The following DST variants were observed in gnomAD, a reference collection of about 807,000 sequenced individuals.
The protein encoded by DST is dystonin.
DST carries 253 observed loss-of-function variants against 875.2 expected under a neutral mutation model. The ratio of observed to expected loss-of-function variants is 0.29; its 90% confidence interval spans 0.26 to 0.32. DST has a LOEUF of 0.32. Among genes scored for constraint, DST ranks in the 10% least tolerant of loss-of-function variants. DST has a pLI of 1.00. For synonymous variants in DST, 3,124 were observed against 3,197.1 expected (o/e 0.98, Z 0.77); for missense variants, 8,287 against 9,111.6 (o/e 0.91, Z 3.68).
chr6:56,807,856 A>G (rs2099755024), intron 4 of DST, among the ~76,000 whole-genome samples: 1 of 152,208 alleles, frequency 6.6e-6, no homozygotes, highest in African/African-American at 2.4e-5. Flanking sequence ...AGCATGAACC[A>G]CAAAAGAAAA....
chr6:56,726,221 G>A (rs1481299789), intron 5 of DST, among the ~76,000 whole-genome samples: 1 of 152,048 alleles, frequency 6.6e-6, no homozygotes, highest in Non-Finnish European at 1.5e-5. Flanking sequence ...TGGAAGGAGT[G>A]GCCTTCTACC....
chr6:56,515,530 C>T lies in DST; in HGVS notation c.18496G>A (p.Glu6166Lys). 6.2e-7 allele frequency: 1 copy of T among 1,613,936 alleles called. No homozygotes were observed. ...AGCTGAGAGATGATTGATTGTGTTT[C>T]TGTCAGCCATGGCCAAAGTTCTTCA... Reference protein sequence around the residue: ...TYEELWPWLTETQSIISQLPA... With the variant: ...TYEELWPWLTKTQSIISQLPA... Residue 6166 changes from glutamate (E) to lysine (K), a missense_variant, in exon 72 of 104, where the codon GAA (glutamate) becomes AAA (lysine). Glu to Lys is a moderately conservative substitution (Grantham distance 56). Coordinates refer to ENST00000680361, the MANE Select transcript of DST (RefSeq NM_001374736.1).
rs1467543508 is a variant in DST at position 56,462,942 on chromosome 6, G to T, written c.23070+104C>A. On this transcript the variant is annotated intron_variant, in intron 102 of 103. Transcript: ENST00000680361. ...TATAGAAGTGTATAAAAAGACATAG[G>T]GTTAGCAAAGTACATATATTTAGGG... 12 of 622,378 alleles carry T rather than the reference G, an allele frequency of 1.9e-5. No homozygotes were observed. The African/African-American group carries it at 2.0e-4, about 10-fold the overall frequency. The allele number at this position is 622,378 out of a possible 1,614,324, so 38.6% of individuals were successfully genotyped here.
At chr6:56,498,649 A>T (rs1324996087) in intron 80 of DST, among the ~76,000 whole-genome samples, 1 of 152,154 alleles carries the variant, frequency 6.6e-6, no homozygotes, top group Non-Finnish European at 1.5e-5. Context: ...TTTTACTCCT[A>T]TATATTCATT....
intron 3 of DST, among the ~76,000 whole-genome samples, chr6:56,899,053 C>A (rs76728735): frequency 0.042 from 6,402 of 152,170 alleles, 404 homozygotes; most frequent in African/African-American, 0.14. Flanking sequence ...AACTAGATAA[C>A]CTGAGGCAAG....
chr6:56,917,022 G>C (rs1005258122), intron 2 of DST, among the ~76,000 whole-genome samples: 13 of 137,438 alleles, frequency 9.5e-5, no homozygotes, highest in Middle Eastern at 4.2e-3. Flanking sequence ...AAAAAAGACA[G>C]GCAGAGGCTC....
At chr6:56,591,489 C>T (rs1340559721) in intron 49 of DST, among the ~76,000 whole-genome samples, 1 of 152,140 alleles carries the variant, frequency 6.6e-6, no homozygotes, top group Non-Finnish European at 1.5e-5. Flanking sequence ...ATTCTAGGTG[C>T]TGTGAATACA....
At chr6:56,799,109 T>C (rs964151199) in intron 4 of DST, among the ~76,000 whole-genome samples, 1 of 152,204 alleles carries the variant, frequency 6.6e-6, no homozygotes, top group Non-Finnish European at 1.5e-5. Flanking sequence ...ATTTAGAATA[T>C]ACATAGGACT....
chr6:56,610,343 CT>C, intron 39 of DST, 83 bp downstream of exon 39: 1 of 1,082,816 alleles, frequency 9.2e-7, no homozygotes. Context: ...AAGGTCATTT[CT>C]TTATTATTGA....
chr6:56,893,248 ATG>A (rs1323939542), intron 3 of DST, among the ~76,000 whole-genome samples: 2 of 152,186 alleles, frequency 1.3e-5, no homozygotes, highest in Non-Finnish European at 2.9e-5. Flanking sequence ...GTGAGAACAT[ATG>A]ATGTTTGGTT....
chr6:56,831,040 T>C (rs1042421197), intron 4 of DST, among the ~76,000 whole-genome samples: 16 of 152,190 alleles, frequency 1.1e-4, no homozygotes, highest in African/African-American at 3.1e-4. Context: ...CTGGCACTTA[T>C]GTTACCCATC....
At chr6:56,684,491 T>C (rs1235485334) in intron 9 of DST, among the ~76,000 whole-genome samples, 1 of 152,184 alleles carries the variant, frequency 6.6e-6, no homozygotes, top group African/African-American at 2.4e-5. Flanking sequence ...CAGAGATATT[T>C]GGCGGATGCC....
At chr6:56,677,585 T>C (rs1001362592) in intron 9 of DST, among the ~76,000 whole-genome samples, 10 of 152,314 alleles carry the variant, frequency 6.6e-5, no homozygotes, top group Non-Finnish European at 1.3e-4. Context: ...GCTGGGATTA[T>C]AGGCATGAAC....
chr6:56,543,297 A>T lies in DST; in HGVS notation c.16609-6357T>A, dbSNP rs1418648726. Among the ~76,000 whole-genome samples the T allele has an allele frequency of 2.0e-5, 3 of 152,316 alleles. No individual in the cohort carries two copies. The East Asian group carries it at 5.8e-4, about 29-fold the overall frequency. ...AAGTGCAGATCACTTTGAAGTCGAGAGTGTTTTGCCGTTCCCTTTTGAAGC... is the reference window on the plus strand; with the variant it reads ...AAGTGCAGATCACTTTGAAGTCGAGTGTGTTTTGCCGTTCCCTTTTGAAGC... On this transcript the variant is annotated intron_variant, in intron 61 of 103. Transcript: ENST00000680361.
chr6:56,764,854 G>A (rs2099628810), intron 4 of DST, among the ~76,000 whole-genome samples: 1 of 152,038 alleles, frequency 6.6e-6, no homozygotes, highest in Non-Finnish European at 1.5e-5. Context: ...CTACTCGGGA[G>A]GCTGAGGCAG....
At chr6:56,710,873 C>A (rs17684571) in intron 5 of DST, among the ~76,000 whole-genome samples, 1 of 151,926 alleles carries the variant, frequency 6.6e-6, no homozygotes, top group African/African-American at 2.4e-5. Context: ...GATAAAAAGG[C>A]GGTTATGGTT....
chr6:56,742,227 A>G (rs1296360822), intron 4 of DST: 2 of 1,184,218 alleles, frequency 1.7e-6, no homozygotes, highest in Admixed American at 2.3e-5. Flanking sequence ...TTCCCTTCCC[A>G]GTTCTGAAAA....
At chr6:56,496,356 C>T (rs1448752862) in intron 82 of DST, among the ~76,000 whole-genome samples, 4 of 152,054 alleles carry the variant, frequency 2.6e-5, no homozygotes, top group Non-Finnish European at 5.9e-5. Context: ...GTAGGAACAG[C>T]GCACAGGTAC....
intron 2 of DST, among the ~76,000 whole-genome samples, chr6:56,936,631 G>A (rs1813140190): frequency 6.6e-6 from 1 of 151,924 alleles, no homozygotes; most frequent in South Asian, 2.1e-4. Flanking sequence ...CTTTACGTTT[G>A]GTTTTTATCT....
Sources: allele counts gnomAD v4.1 joint callset (sites outside exome capture counted in the v4.1 genomes callset), GRCh38; gene constraint gnomAD v4.1.1; transcripts MANE v1.5; gene names NCBI Gene and HGNC (gene_info 2026-07-23, HGNC 2026-07-21).